The following DRG1 variants were observed in gnomAD, a reference collection of about 807,000 sequenced individuals.
The protein encoded by DRG1 is developmentally-regulated GTP-binding protein 1.
DRG1 carries 19 observed loss-of-function variants against 38.8 expected under a neutral mutation model. The ratio of observed to expected loss-of-function variants is 0.49; its 90% CI spans 0.34 to 0.72. The LOEUF (loss-of-function observed/expected upper bound fraction) is 0.72, where lower values mean the gene tolerates loss of function less well. Among genes scored for constraint, DRG1 ranks in the 30% least tolerant of loss-of-function variants. DRG1 has a pLI of 0.01. For synonymous variants in DRG1, 167 were observed against 157.5 expected, an observed-to-expected ratio of 1.06 and a Z score of -0.45; for missense variants, 299 against 444.8, an observed-to-expected ratio of 0.67 and a Z score of 2.95.
At chr22:31,402,887 T>C in intron 2 of DRG1, 142 bp from the exon 3 acceptor site, 1 of 877,382 alleles carries the variant, frequency 1.1e-6, no homozygotes, top group South Asian at 2.0e-5. Flanking sequence ...TTGTGTGCTT[T>C]AGTTCTCCTT....
At chr22:31,430,722 C>T (rs1237755089) in intron 8 of DRG1, among the ~76,000 whole-genome samples, 1 of 151,758 alleles carries the variant, frequency 6.6e-6, no homozygotes, top group Non-Finnish European at 1.5e-5. Flanking sequence ...TTTTAGCCTT[C>T]CCACTTAGTA....
intron 6 of DRG1, among the ~76,000 whole-genome samples, chr22:31,425,443 T>C (rs963484324): frequency 1.3e-5 from 2 of 149,258 alleles, no homozygotes; most frequent in African/African-American, 4.9e-5. Flanking sequence ...TACATTACTT[T>C]TTTTTTTTTT....
At position 31,427,200 on chromosome 22, in the gene DRG1, G is replaced by T; in HGVS notation, c.1004+18G>T. ...TTTAAATAGTAAGTATCATGGGCCT[G>T]TGGTCCCTCCTTTTTCCTATGAGTT... On this transcript the variant is annotated intron_variant, in intron 8 of 8. Coordinates refer to ENST00000331457, the MANE Select transcript of DRG1 (RefSeq NM_004147.4). The T allele has an allele frequency of 6.2e-7, 1 of 1,612,438 alleles. No individual in the cohort carries two copies. Among genetic ancestry groups the T allele is most frequent in the Non-Finnish European group, 8.5e-7 (1 of 1,179,452 alleles).
At chr22:31,427,711 G>A (rs1205565776) in intron 8 of DRG1, among the ~76,000 whole-genome samples, 3 of 152,036 alleles carry the variant, frequency 2.0e-5, no homozygotes, top group African/African-American at 7.2e-5. Flanking sequence ...GACTACAGGT[G>A]CACACCATTA....
rs148356893 is a variant in DRG1 at position 31,419,137 on chromosome 22, G to T, written c.413-1119G>T. Among the ~76,000 whole-genome samples the T allele has an allele frequency of 1.4e-3, 217 of 151,888 alleles. 1 individual carries two copies. The highest frequency in any genetic ancestry group is 5.2e-3 in the African/African-American group (214 of 41,410). ...GCTGGAAGCAGGATTTTTGACAAAT[G>T]AATTTTAATATAGAAAAAGGCCAGA... On this transcript the variant is annotated intron_variant, in intron 4 of 8. Coordinates refer to ENST00000331457, the MANE Select transcript of DRG1 (RefSeq NM_004147.4).
chr22:31,410,086 G>A (rs2050010270), intron 3 of DRG1, among the ~76,000 whole-genome samples: 1 of 152,132 alleles, frequency 6.6e-6, no homozygotes, highest in African/African-American at 2.4e-5. Context: ...CTTTGGACAA[G>A]TCACTTACCT....
intron 2 of DRG1, among the ~76,000 whole-genome samples, chr22:31,402,699 A>G (rs1486890097): frequency 6.6e-6 from 1 of 151,986 alleles, no homozygotes; most frequent in Non-Finnish European, 1.5e-5. Flanking sequence ...TTGTAGAGAC[A>G]GGGTTTTGCC....
In DRG1 at chr22:31,417,432, C is replaced by G. The variant is rs533809201; in HGVS notation, c.413-2824C>G. Among the ~76,000 whole-genome samples, 8 of 151,866 alleles carry G rather than the reference C, an allele frequency of 5.3e-5. No individual in the cohort carries two copies. The South Asian group carries it at 8.3e-4, about 16-fold the overall frequency. ...TGGTGGCTCATGCCTGTAATTGCAG[C>G]ACTCTGGGAGGCTGAGGGGGGTGGA... On this transcript the variant is annotated intron_variant, in intron 4 of 8. Coordinates refer to ENST00000331457, the MANE Select transcript of DRG1 (RefSeq NM_004147.4).
chr22:31,423,554 TCTCA>T (rs1431923564), intron 6 of DRG1, 144 bp downstream of exon 6: 1 of 847,614 alleles, frequency 1.2e-6, no homozygotes, highest in African/African-American at 1.8e-5. Flanking sequence ...TGAGATGGAG[TCTCA>T]CTCTGTTGCC....
chr22:31,426,975 T>A, intron 7 of DRG1, 85 bp from the exon 8 acceptor site: 1 of 1,581,214 alleles, frequency 6.3e-7, no homozygotes, highest in South Asian at 1.2e-5. Context: ...CCTGGTCTGA[T>A]GTCAGGGGTG....
intron 3 of DRG1, among the ~76,000 whole-genome samples, chr22:31,407,756 A>T (rs900248693): frequency 6.9e-6 from 1 of 143,896 alleles, no homozygotes; most frequent in Admixed American, 7.3e-5. Context: ...ATCAGTTTTC[A>T]TTGCAGTTTA....
At chr22:31,423,728 T>C (rs2050091504) in intron 6 of DRG1, among the ~76,000 whole-genome samples, 1 of 152,014 alleles carries the variant, frequency 6.6e-6, no homozygotes, top group Middle Eastern at 3.4e-3. Flanking sequence ...GGTTTCATCA[T>C]GTTGGCCAGG....
At chr22:31,410,775 G>A (rs957481053) in intron 3 of DRG1, among the ~76,000 whole-genome samples, 3 of 151,130 alleles carry the variant, frequency 2.0e-5, no homozygotes, top group East Asian at 1.9e-4. Flanking sequence ...AGATTGTGCC[G>A]TTGTACTCCA....
Position 31,413,609 on chromosome 22 carries a change from G to GTTTTT in DRG1, c.412+2547_412+2551dup, listed in dbSNP as rs35654476. On this transcript the variant is annotated intron_variant, in intron 4 of 8. Coordinates refer to ENST00000331457, the MANE Select transcript of DRG1 (RefSeq NM_004147.4). ...TCTCTTAGACTCCTACCTATTGTGG[G>GTTTTT]TTTTTTTTTTTTTTTTTTTTTTTGA... is the stretch of plus-strand genomic sequence containing the variant. Among the ~76,000 whole-genome samples, 56 of 60,482 alleles carry GTTTTT rather than the reference G, an allele frequency of 9.3e-4. 1 individual carries two copies. Among genetic ancestry groups the GTTTTT allele is most frequent in the South Asian group, 2.1e-3 (3 of 1,424 alleles). The allele number at this position is 60,482 out of a possible 152,430, so 39.7% of individuals were successfully genotyped here.
In DRG1 at chr22:31,411,005, C is replaced by T. The variant is rs1038671794; in HGVS notation, c.343-7C>T. On this transcript the variant is annotated splice_polypyrimidine_tract_variant and splice_region_variant and intron_variant, in intron 3 of 8. Coordinates refer to ENST00000331457, the MANE Select transcript of DRG1 (RefSeq NM_004147.4). The stretch of plus-strand genomic sequence containing the variant: ...TTCATCCTCTTCCCCCATTCTTAAT[C>T]TTGCAGCTCCTGGATCTCCCAGGTA... 1.9e-6 allele frequency: 3 copies of T among 1,613,608 alleles called. No homozygotes were observed. The Admixed American group carries it at 5.0e-5, about 27-fold the overall frequency.
chr22:31,408,684 C>T (rs1048079367), intron 3 of DRG1, among the ~76,000 whole-genome samples: 5 of 141,172 alleles, frequency 3.5e-5, no homozygotes, highest in African/African-American at 1.1e-4. Context: ...ACCTGGGAGG[C>T]GGACATTGCA....
At chr22:31,412,334 G>A (rs1195488099) in intron 4 of DRG1, among the ~76,000 whole-genome samples, 1 of 147,478 alleles carries the variant, frequency 6.8e-6, no homozygotes, top group Non-Finnish European at 1.5e-5. Context: ...CTTTTTCTTT[G>A]TTTTATTTTC....
intron 6 of DRG1, among the ~76,000 whole-genome samples, chr22:31,426,132 G>C (rs1163070190): frequency 6.6e-6 from 1 of 152,150 alleles, no homozygotes; most frequent in Non-Finnish European, 1.5e-5. Flanking sequence ...GAGGTTAAGT[G>C]ACTTTCCTAG....
chr22:31,416,276 C>G (rs1247492458), intron 4 of DRG1, among the ~76,000 whole-genome samples: 1 of 151,952 alleles, frequency 6.6e-6, no homozygotes, highest in Non-Finnish European at 1.5e-5. Context: ...GACTCTGTCT[C>G]AAGAAAGCAA....
Sources: allele counts gnomAD v4.1 joint callset (sites outside exome capture counted in the v4.1 genomes callset), GRCh38; gene constraint gnomAD v4.1.1; transcripts MANE v1.5; gene names NCBI Gene and HGNC (gene_info 2026-07-23, HGNC 2026-07-21).